Variants in ATOSA observed in about 807,000 individuals in gnomAD.
ATOSA encodes the protein atos homolog protein A.
At chr15:52,694,133 T>C in the ATOSA span, among the ~76,000 whole-genome samples, 1 of 150,234 alleles carries the variant, frequency 6.7e-6, no homozygotes, top group Non-Finnish European at 1.5e-5. Context: ...TATGTGTGTG[T>C]GTGCGTGTGT....
At chr15:52,592,079 A>G in the ATOSA span, among the ~76,000 whole-genome samples, 2 of 152,200 alleles carry the variant, frequency 1.3e-5, no homozygotes. Context: ...TAGGCCACAT[A>G]TAGGTTCCTA....
the ATOSA span, chr15:52,610,363 T>A: frequency 6.2e-7 from 1 of 1,610,088 alleles, no homozygotes. Context: ...CCACTGTAGG[T>A]CTACATCAGC....
chr15:52,692,370 CTT>C, the ATOSA span, among the ~76,000 whole-genome samples: 2 of 152,168 alleles, frequency 1.3e-5, no homozygotes, highest in Admixed American at 1.3e-4. Context: ...AAGAGGAAAA[CTT>C]TTGACACAGG....
chr15:52,635,378 T>A, the ATOSA span, among the ~76,000 whole-genome samples: 3 of 152,206 alleles, frequency 2.0e-5, no homozygotes, highest in South Asian at 6.2e-4. Flanking sequence ...TTCTGAGCCA[T>A]GAAACAAGTC....
the ATOSA span, among the ~76,000 whole-genome samples, chr15:52,637,918 A>C: frequency 9.9e-5 from 15 of 152,172 alleles, no homozygotes; most frequent in Admixed American, 5.9e-4. Context: ...ATAAACAATC[A>C]TATCACTGTA....
the ATOSA span, among the ~76,000 whole-genome samples, chr15:52,682,377 A>G: frequency 1.3e-5 from 2 of 152,156 alleles, no homozygotes; most frequent in East Asian, 3.8e-4. Flanking sequence ...GAGGTGGATT[A>G]TTAGGGTAGA....
At chr15:52,614,086 T>C in the ATOSA span, among the ~76,000 whole-genome samples, 3 of 151,780 alleles carry the variant, frequency 2.0e-5, no homozygotes, top group Non-Finnish European at 4.4e-5. Flanking sequence ...TAATTATAAT[T>C]GTAATATAAT....
At chr15:52,673,377 T>A in the ATOSA span, among the ~76,000 whole-genome samples, 7 of 152,236 alleles carry the variant, frequency 4.6e-5, no homozygotes, top group Non-Finnish European at 1.0e-4. Flanking sequence ...GTCAGGGAGC[T>A]TAAGAGCATA....
At chr15:52,621,797 C>G in the ATOSA span, among the ~76,000 whole-genome samples, 2 of 152,216 alleles carry the variant, frequency 1.3e-5, no homozygotes, top group African/African-American at 4.8e-5. Context: ...ATAAATTACC[C>G]AGTCTTGGGT....
At chr15:52,668,398 C>A in the ATOSA span, among the ~76,000 whole-genome samples, 1 of 151,992 alleles carries the variant, frequency 6.6e-6, no homozygotes, top group Non-Finnish European at 1.5e-5. Context: ...TTTCCAGAAA[C>A]TGGGTAAGGG....
chr15:52,651,920 T>C, the ATOSA span: 3 of 1,535,312 alleles, frequency 2.0e-6, no homozygotes, highest in African/African-American at 4.1e-5. Context: ...GGAATCCTTG[T>C]ATAAAGGAAG....
chr15:52,683,527 A>C, the ATOSA span, among the ~76,000 whole-genome samples: 3 of 152,316 alleles, frequency 2.0e-5, no homozygotes, highest in African/African-American at 7.2e-5. Flanking sequence ...TGTTATATGC[A>C]CACCCCAAAG....
chr15:52,676,136 T>G, the ATOSA span, among the ~76,000 whole-genome samples: 1 of 152,184 alleles, frequency 6.6e-6, no homozygotes, highest in African/African-American at 2.4e-5. Flanking sequence ...GCGTGAACAT[T>G]TTTTAAATGT....
chr15:52,612,538 CTT>C, the ATOSA span, among the ~76,000 whole-genome samples: 1 of 133,938 alleles, frequency 7.5e-6, no homozygotes, highest in Non-Finnish European at 1.5e-5. Context: ...GAGTCTCACT[CTT>C]GTCTCCCAGG....
At chr15:52,610,297 T>C in the ATOSA span, 7 of 1,613,888 alleles carry the variant, frequency 4.3e-6, no homozygotes, top group East Asian at 8.9e-5. Flanking sequence ...CAAGGCAACA[T>C]TGTGAGAAAC....
the ATOSA span, among the ~76,000 whole-genome samples, chr15:52,602,870 T>C: frequency 6.6e-6 from 1 of 152,218 alleles, no homozygotes; most frequent in Non-Finnish European, 1.5e-5. Context: ...CCTAGTGCTA[T>C]TTTAGGTTCA....
chr15:52,588,934 C>T, the ATOSA span, among the ~76,000 whole-genome samples: 1 of 152,102 alleles, frequency 6.6e-6, no homozygotes, highest in African/African-American at 2.4e-5. Flanking sequence ...TATCAGGTGA[C>T]GTCTCTCTGT....
chr15:52,606,112 G>C, the ATOSA span, among the ~76,000 whole-genome samples: 16 of 152,014 alleles, frequency 1.1e-4, no homozygotes, highest in Non-Finnish European at 2.4e-4. Context: ...CCGTGGATAA[G>C]GGGCGACTAC....
the ATOSA span, chr15:52,609,738 A>G: frequency 1.9e-6 from 3 of 1,613,834 alleles, no homozygotes; most frequent in Non-Finnish European, 2.5e-6. Flanking sequence ...ATGGACGTCC[A>G]GAAACATGTG....
Sources: gnomAD v4.1 joint callset for allele counts (sites outside exome capture counted in the v4.1 genomes callset) on GRCh38, gnomAD v4.1.1 for gene constraint, MANE v1.5 for transcripts, NCBI Gene and HGNC (gene_info 2026-07-23, HGNC 2026-07-21) for gene names.